The following LRFN5 variants were observed in gnomAD, a reference collection of about 807,000 sequenced individuals.
LRFN5 encodes leucine-rich repeat and fibronectin type-III domain-containing protein 5.
In LRFN5, 24 loss-of-function variants were observed where a neutral mutation model predicts 45.6. The ratio of observed to expected loss-of-function variants is 0.53; its 90% CI spans 0.38 to 0.74. The LOEUF is 0.74. Ranked by LOEUF, LRFN5 falls within the 30% of genes least tolerant of loss-of-function variation. The pLI is 0.00. For synonymous variants in LRFN5, 340 were observed against 313.8 expected, an observed-to-expected ratio of 1.08 and a Z score of -0.88; for missense variants, 776 against 861.5, an observed-to-expected ratio of 0.90 and a Z score of 1.24.
chr14:41,859,744 T>C lies in LRFN5; in HGVS notation c.-20-26862T>C, dbSNP rs74896040. On this transcript the variant is annotated intron_variant, in intron 2 of 5. Transcript: ENST00000298119. Reference sequence around the variant, plus strand: ...GCACAGATTAAGAGAAAAGATGCAGTTTTAACATTTCTTTTTGCTTCTCTT... The same window carrying C: ...GCACAGATTAAGAGAAAAGATGCAGCTTTAACATTTCTTTTTGCTTCTCTT... Among the ~76,000 whole-genome samples the C allele has an allele frequency of 9.5e-4, 145 of 152,338 alleles. 4 individuals are homozygous for C. In the East Asian group the frequency reaches 0.027, roughly 28 times the overall value.
chr14:41,776,004 A>T (rs1189733766), intron 2 of LRFN5, among the ~76,000 whole-genome samples: 1 of 152,194 alleles, frequency 6.6e-6, no homozygotes, highest in Admixed American at 6.5e-5. Flanking sequence ...TTATATGCAA[A>T]CACTCCAGTC....
chr14:41,884,374 A>G (rs1390177389), intron 2 of LRFN5, among the ~76,000 whole-genome samples: 1 of 152,174 alleles, frequency 6.6e-6, no homozygotes, highest in African/African-American at 2.4e-5. Flanking sequence ...TTCTATCTTT[A>G]TTTGTTGATA....
At chr14:41,840,973 G>A (rs528979189) in intron 2 of LRFN5, among the ~76,000 whole-genome samples, 1 of 151,772 alleles carries the variant, frequency 6.6e-6, no homozygotes, top group South Asian at 2.1e-4. Context: ...ACGTATTTTA[G>A]TAGTCAGTAT....
intron 1 of LRFN5, among the ~76,000 whole-genome samples, chr14:41,661,822 T>A (rs934041677): frequency 2.6e-5 from 4 of 151,574 alleles, no homozygotes; most frequent in African/African-American, 9.7e-5. Context: ...TGGGAAAAAA[T>A]AGAACAACAA....
At chr14:41,826,788 A>G (rs1445080350) in intron 2 of LRFN5, among the ~76,000 whole-genome samples, 1 of 151,946 alleles carries the variant, frequency 6.6e-6, no homozygotes, top group South Asian at 2.1e-4. Flanking sequence ...AAGTATCTTC[A>G]TCTATAATAT....
chr14:41,861,533 A>C (rs1406295386), intron 2 of LRFN5, among the ~76,000 whole-genome samples: 1 of 152,130 alleles, frequency 6.6e-6, no homozygotes, highest in Non-Finnish European at 1.5e-5. Flanking sequence ...ATTATGCTGC[A>C]TTTTTAATGA....
chr14:41,843,925 A>T (rs1888957226), intron 2 of LRFN5, among the ~76,000 whole-genome samples: 1 of 152,234 alleles, frequency 6.6e-6, no homozygotes, highest in South Asian at 2.1e-4. Flanking sequence ...ACTTAAAAAT[A>T]AAATTTTAAT....
chr14:41,722,713 C>T (rs555172052), intron 1 of LRFN5, among the ~76,000 whole-genome samples: 1 of 152,164 alleles, frequency 6.6e-6, no homozygotes, highest in African/African-American at 2.4e-5. Flanking sequence ...GTTCATCCTA[C>T]AAGTCAGTAA....
chr14:41,634,491 G>A (rs1216351208), intron 1 of LRFN5, among the ~76,000 whole-genome samples: 2 of 152,118 alleles, frequency 1.3e-5, no homozygotes, highest in Non-Finnish European at 2.9e-5. Flanking sequence ...CTAGACACGA[G>A]ATCTTCTGTA....
intron 1 of LRFN5, among the ~76,000 whole-genome samples, chr14:41,689,086 A>C (rs935385921): frequency 6.7e-6 from 1 of 148,780 alleles, no homozygotes; most frequent in Non-Finnish European, 1.5e-5. Flanking sequence ...CAGAGTGAGA[A>C]CCCATCTCTA....
intron 2 of LRFN5, among the ~76,000 whole-genome samples, chr14:41,798,261 A>G (rs900406493): frequency 6.6e-6 from 1 of 151,944 alleles, no homozygotes; most frequent in East Asian, 1.9e-4. Context: ...GAGCTCTTCC[A>G]CTTCTGAAAA....
At chr14:41,832,080 C>A (rs1888503942) in intron 2 of LRFN5, among the ~76,000 whole-genome samples, 1 of 152,138 alleles carries the variant, frequency 6.6e-6, no homozygotes, top group African/African-American at 2.4e-5. Flanking sequence ...ACCCCATCTT[C>A]AAATACTATC....
At chr14:41,738,269 G>A (rs905564261) in intron 1 of LRFN5, among the ~76,000 whole-genome samples, 5 of 152,078 alleles carry the variant, frequency 3.3e-5, no homozygotes, top group South Asian at 4.1e-4. Context: ...ATAATAAATG[G>A]TATTAGGAAA....
intron 2 of LRFN5, among the ~76,000 whole-genome samples, chr14:41,856,777 C>A (rs1255038315): frequency 1.4e-5 from 2 of 142,328 alleles, no homozygotes; most frequent in Non-Finnish European, 3.0e-5. Context: ...TCCGGGTTCA[C>A]GCCATTCTCC....
At chr14:41,755,109 A>T (rs1160363703) in intron 1 of LRFN5, among the ~76,000 whole-genome samples, 1 of 152,134 alleles carries the variant, frequency 6.6e-6, no homozygotes. Context: ...TTCTAGTTTG[A>T]TTGCACTGTG....
At chr14:41,742,320 C>CAA (rs1190316223) in intron 1 of LRFN5, among the ~76,000 whole-genome samples, 1 of 140,280 alleles carries the variant, frequency 7.1e-6, no homozygotes, top group Non-Finnish European at 1.5e-5. Context: ...TATACACACA[C>CAA]ACACACACAC....
At chr14:41,752,547 G>A (rs988869784) in intron 1 of LRFN5, among the ~76,000 whole-genome samples, 1 of 151,950 alleles carries the variant, frequency 6.6e-6, no homozygotes, top group Non-Finnish European at 1.5e-5. Flanking sequence ...GTGTCTTTTC[G>A]CTGCTAAATG....
intron 2 of LRFN5, among the ~76,000 whole-genome samples, chr14:41,806,187 T>C (rs1347579119): frequency 6.6e-6 from 1 of 152,192 alleles, no homozygotes; most frequent in Non-Finnish European, 1.5e-5. Flanking sequence ...CTAATGATAC[T>C]TCAATTAAAC....
In LRFN5 at chr14:41,820,813, A is replaced by C. The variant is rs560236968; in HGVS notation, c.-21+53784A>C. Among the ~76,000 whole-genome samples, 5 of 151,928 alleles carry C rather than the reference A, an allele frequency of 3.3e-5. No homozygotes were observed. The South Asian group carries it at 1.0e-3, about 32-fold the overall frequency. ...TTTCCTTCAAGCATTTTATAGTTTT[A>C]ATTGTACAGATCTTCACCTCCTGGG... is the stretch of plus-strand genomic sequence containing the variant. On this transcript the variant is annotated intron_variant, in intron 2 of 5. Coordinates refer to ENST00000298119, the MANE Select transcript of LRFN5 (RefSeq NM_152447.5).
Sources: allele counts gnomAD v4.1 joint callset (sites outside exome capture counted in the v4.1 genomes callset), GRCh38; gene constraint gnomAD v4.1.1; transcripts MANE v1.5; gene names NCBI Gene and HGNC (gene_info 2026-07-23, HGNC 2026-07-21).